The following ZFYVE9 variants were observed in gnomAD, a reference collection of about 807,000 sequenced individuals.
ZFYVE9 encodes the protein zinc finger FYVE domain-containing protein 9.
ZFYVE9 carries 43 observed loss-of-function variants against 126.7 expected under a neutral mutation model. That is an observed-to-expected ratio of 0.34 (90% confidence interval 0.27 to 0.44). ZFYVE9 has a LOEUF of 0.44. ZFYVE9 is among the 20% of genes least tolerant of loss of function. The pLI is 1.00. For missense variants in ZFYVE9, 1,476 were observed against 1,697.0 expected (o/e 0.87, Z 2.29); for synonymous variants, 521 against 597.4 (o/e 0.87, Z 1.87).
At chr1:52,297,695 T>G (rs1645991011) in intron 12 of ZFYVE9, among the ~76,000 whole-genome samples, 1 of 146,080 alleles carries the variant, frequency 6.8e-6, no homozygotes. Context: ...TCCAGTTATC[T>G]TTTTTTTTTT....
At chr1:52,342,166 C>T (rs527267232) in intron 17 of ZFYVE9, among the ~76,000 whole-genome samples, 1 of 152,234 alleles carries the variant, frequency 6.6e-6, no homozygotes, top group Admixed American at 6.5e-5. Context: ...GAGCTGCCTC[C>T]TTTGTAGTCC....
At chr1:52,272,671 A>ACCTTTTTTT (rs1162973754) in intron 7 of ZFYVE9, among the ~76,000 whole-genome samples, 45 of 134,816 alleles carry the variant, frequency 3.3e-4, no homozygotes, top group Non-Finnish European at 5.1e-4. Flanking sequence ...GCTAGAAATA[A>ACCTTTTTTT]TCTTTTTTTT....
intron 1 of ZFYVE9, among the ~76,000 whole-genome samples, chr1:52,153,724 G>C (rs1456311498): frequency 5.3e-5 from 8 of 152,216 alleles, no homozygotes; most frequent in African/African-American, 9.7e-5. Context: ...GTAGTTCACT[G>C]TGACCTTTCA....
intron 8 of ZFYVE9, among the ~76,000 whole-genome samples, chr1:52,274,961 C>G (rs375488247): frequency 6.6e-6 from 1 of 151,984 alleles, no homozygotes; most frequent in Non-Finnish European, 1.5e-5. Context: ...TCAGAAAGAA[C>G]GTATAGTAAG....
At chr1:52,228,161 C>T (rs989608213) in intron 2 of ZFYVE9, among the ~76,000 whole-genome samples, 13 of 152,102 alleles carry the variant, frequency 8.5e-5, no homozygotes, top group Non-Finnish European at 1.8e-4. Context: ...CCACTGCAAC[C>T]TCCGTCTCCT....
chr1:52,330,435 A>G (rs1190613269), intron 13 of ZFYVE9, among the ~76,000 whole-genome samples: 1 of 152,170 alleles, frequency 6.6e-6, no homozygotes, highest in Non-Finnish European at 1.5e-5. Flanking sequence ...GACTGAGTAT[A>G]GTTACGGTAT....
chr1:52,243,066 C>A (rs779086778), intron 4 of ZFYVE9, among the ~76,000 whole-genome samples: 3 of 152,180 alleles, frequency 2.0e-5, no homozygotes, highest in African/African-American at 7.2e-5. Context: ...GCATCCAGCA[C>A]AAATACCTGG....
chr1:52,281,135 C>CTTT (rs539866378), intron 9 of ZFYVE9, among the ~76,000 whole-genome samples: 2 of 137,226 alleles, frequency 1.5e-5, no homozygotes, highest in Non-Finnish European at 1.6e-5. Flanking sequence ...CTTTTCTTTT[C>CTTT]TTTTTTTTTT....
intron 1 of ZFYVE9, among the ~76,000 whole-genome samples, chr1:52,214,981 C>G (rs1309702469): frequency 1.3e-5 from 2 of 152,148 alleles, no homozygotes; most frequent in East Asian, 3.8e-4. Flanking sequence ...ATGAGATTAG[C>G]TCATCCAGAA....
At chr1:52,262,541 C>T (rs544346573) in intron 4 of ZFYVE9, among the ~76,000 whole-genome samples, 1 of 152,066 alleles carries the variant, frequency 6.6e-6, no homozygotes, top group African/African-American at 2.4e-5. Context: ...AATGTCAAGC[C>T]CTATAAAAAT....
chr1:52,220,734 G>A (rs1272112782), intron 2 of ZFYVE9, among the ~76,000 whole-genome samples: 1 of 152,120 alleles, frequency 6.6e-6, no homozygotes, highest in East Asian at 1.9e-4. Context: ...ATCTGGTAAT[G>A]CCTGCTTTCC....
At chr1:52,342,398 T>C (rs1220321602) in intron 17 of ZFYVE9, among the ~76,000 whole-genome samples, 3 of 151,740 alleles carry the variant, frequency 2.0e-5, no homozygotes, top group African/African-American at 7.3e-5. Flanking sequence ...CCTGAGTAGC[T>C]GGGATTACAG....
Position 52,293,543 on chromosome 1 carries a change from C to T in ZFYVE9, c.3116C>T (p.Thr1039Ile). 1 of 1,614,068 alleles carries T rather than the reference C, an allele frequency of 6.2e-7. No individual in the cohort carries two copies. The change falls in exon 11 of 19, where the codon ACC (threonine) becomes ATC (isoleucine). Residue 1039 changes from threonine (T) to isoleucine (I), a missense_variant. Around this residue, in one of 2 missense-constraint regions of ZFYVE9, gnomAD observed 669 missense variants for 902.4 expected, o/e 0.74. Coordinates refer to ENST00000287727, the MANE Select transcript of ZFYVE9 (RefSeq NM_004799.4). ...EHGGFLYVTS[T>I]YQSLQDLVLP... ...GGTGGATTCTTATATGTGACATCTA[C>T]CTACCAGTCACTGCAAGACCTAGTA...
chr1:52,214,232 G>A (rs995658271), intron 1 of ZFYVE9, among the ~76,000 whole-genome samples: 1 of 152,132 alleles, frequency 6.6e-6, no homozygotes, highest in Non-Finnish European at 1.5e-5. Flanking sequence ...TTTGAGACCA[G>A]CCTGGGTAAC....
intron 10 of ZFYVE9, among the ~76,000 whole-genome samples, chr1:52,288,643 G>A (rs1041959796): frequency 3.3e-5 from 5 of 152,076 alleles, no homozygotes; most frequent in African/African-American, 9.7e-5. Context: ...TTTATTGGCC[G>A]GGTGCGGTGG....
At chr1:52,216,942 T>C (rs766224101) in intron 2 of ZFYVE9, among the ~76,000 whole-genome samples, 1 of 152,236 alleles carries the variant, frequency 6.6e-6, no homozygotes, top group African/African-American at 2.4e-5. Context: ...ACAGGAATCC[T>C]TGTCTTTTTC....
intron 1 of ZFYVE9, among the ~76,000 whole-genome samples, chr1:52,182,589 A>G (rs1644721510): frequency 6.6e-6 from 1 of 151,856 alleles, no homozygotes; most frequent in African/African-American, 2.4e-5. Context: ...CCTAATCTCA[A>G]GTACCCAGGG....
At chr1:52,274,432 T>C in intron 7 of ZFYVE9, 32 bp from the exon 8 acceptor site, 7 of 1,582,998 alleles carry the variant, frequency 4.4e-6, no homozygotes, top group Non-Finnish European at 6.0e-6. Context: ...GAATTCTCTG[T>C]AGTGCTCACT....
intron 5 of ZFYVE9, among the ~76,000 whole-genome samples, chr1:52,265,922 G>A (rs751205561): frequency 1.6e-4 from 25 of 152,012 alleles, no homozygotes; most frequent in Admixed American, 2.6e-4. Context: ...TTTATAAAAT[G>A]CATTAAATAT....
Sources: allele counts gnomAD v4.1 joint callset (sites outside exome capture counted in the v4.1 genomes callset), GRCh38; gene constraint gnomAD v4.1.1; regional missense constraint gnomAD v4.1.1; transcripts MANE v1.5; gene names NCBI Gene and HGNC (gene_info 2026-07-23, HGNC 2026-07-21).